The following ABCA12 variants were observed in gnomAD, a reference collection of about 807,000 sequenced individuals.
ABCA12 encodes the protein ATP binding cassette subfamily A member 12, also known as glucosylceramide transporter ABCA12.
In ABCA12, 156 loss-of-function variants were observed where a neutral mutation model predicts 293.5. The observed-to-expected ratio is 0.53, with a 90% CI of 0.47 to 0.61. The LOEUF is 0.61. Among genes scored for constraint, ABCA12 ranks in the 20% least tolerant of loss-of-function variants. The pLI is 0.00. For synonymous variants in ABCA12, 1,063 were observed against 1,108.0 expected, an observed-to-expected ratio of 0.96 and a Z score of 0.81; for missense variants, 2,797 against 3,090.2, an observed-to-expected ratio of 0.91 and a Z score of 2.25.
intron 2 of ABCA12, among the ~76,000 whole-genome samples, chr2:215,105,835 G>C (rs563367627): frequency 6.6e-6 from 1 of 152,248 alleles, no homozygotes; most frequent in South Asian, 2.1e-4. Flanking sequence ...AGACTAACTA[G>C]TGTTGCTGGT....
intron 2 of ABCA12, among the ~76,000 whole-genome samples, chr2:215,096,537 GA>G (rs1702253026): frequency 6.6e-6 from 1 of 152,206 alleles, no homozygotes; most frequent in African/African-American, 2.4e-5. Context: ...TCAAAAGCCA[GA>G]AGAGTGTTTT....
At position 215,110,236 on chromosome 2, in the gene ABCA12, C is replaced by T. The variant is rs116223620; in HGVS notation, c.163+1361G>A. Among the ~76,000 whole-genome samples, 383 of 152,256 alleles carry T rather than the reference C, an allele frequency of 2.5e-3. 1 individual carries two copies. Among genetic ancestry groups the T allele is most frequent in the African/African-American group, 8.8e-3 (365 of 41,542 alleles). The stretch of plus-strand genomic sequence containing the variant: ...TAGAAGTAAGGCACTGTTGGCTGGG[C>T]GCGGTGGCTCACGCCTGTAATCCCA... On this transcript the variant is annotated intron_variant, in intron 2 of 52. Transcript: ENST00000272895.
At chr2:214,940,288 C>G (rs1177945352) in intron 50 of ABCA12, among the ~76,000 whole-genome samples, 1 of 152,172 alleles carries the variant, frequency 6.6e-6, no homozygotes, top group Non-Finnish European at 1.5e-5. Flanking sequence ...ATATGTTGAA[C>G]AAGCCTTGCA....
chr2:215,131,884 C>A (rs767409233), intron 1 of ABCA12, among the ~76,000 whole-genome samples: 1 of 151,786 alleles, frequency 6.6e-6, no homozygotes, highest in Non-Finnish European at 1.5e-5. Context: ...ATGCTATAAA[C>A]TTTTCTCTTA....
At chr2:214,991,958 C>A (rs1699920527) in intron 23 of ABCA12, among the ~76,000 whole-genome samples, 1 of 152,046 alleles carries the variant, frequency 6.6e-6, no homozygotes, top group Admixed American at 6.6e-5. Flanking sequence ...GTGCAGCGAA[C>A]CACCATGGCA....
intron 41 of ABCA12, 33 bp downstream of exon 41, chr2:214,958,244 T>C: frequency 6.2e-7 from 1 of 1,613,324 alleles, no homozygotes; most frequent in Non-Finnish European, 8.5e-7. Context: ...ATTGATCTTT[T>C]ATTCCCTGCA....
At chr2:214,984,027 C>A (rs958956561) in intron 28 of ABCA12, among the ~76,000 whole-genome samples, 162 bp from the exon 29 acceptor site, 1 of 146,800 alleles carries the variant, frequency 6.8e-6, no homozygotes, top group African/African-American at 2.5e-5. Flanking sequence ...AGAAATATTA[C>A]TTTTAAGTTT....
intron 44 of ABCA12, among the ~76,000 whole-genome samples, chr2:214,951,923 T>C (rs1490271393): frequency 6.6e-6 from 1 of 152,118 alleles, no homozygotes; most frequent in East Asian, 1.9e-4. Context: ...TAATCATCAA[T>C]AATATGAATA....
intron 23 of ABCA12, among the ~76,000 whole-genome samples, chr2:214,992,462 G>GAAAAAAAAAAAAAAA (rs35911401): frequency 2.6e-4 from 20 of 77,346 alleles, no homozygotes; most frequent in Non-Finnish European, 3.2e-4. Flanking sequence ...AAAAAAAAAT[G>GAAAAAAAAAAAAAAA]AAAAAAAAAA....
intron 2 of ABCA12, among the ~76,000 whole-genome samples, chr2:215,087,510 A>ATGTGTGTGTG (rs1363040308): frequency 4.1e-4 from 28 of 68,856 alleles, no homozygotes; most frequent in African/African-American, 1.6e-3. Flanking sequence ...GTGTGTGTGC[A>ATGTGTGTGTG]TGTGTGTGTG....
rs774152349 is a variant in ABCA12 at position 215,011,467 on chromosome 2, A to G, written c.2304T>C (p.Ala768=). The G allele has an allele frequency of 5.0e-6, 8 of 1,613,746 alleles. No homozygotes were observed. The highest frequency in any genetic ancestry group is 1.3e-5 in the African/African-American group (1 of 74,922). ...LTYKLTKEQI[A]SKYGIPINST... ...AATTTATGGGAATTCCATATTTTGAAGCAATTTGCTCTTTAGTTAATTTAT... is the reference window on the plus strand; with the variant it reads ...AATTTATGGGAATTCCATATTTTGAGGCAATTTGCTCTTTAGTTAATTTAT... Residue 768 remains alanine (A), a synonymous_variant, in exon 17 of 53, where the codon GCT becomes GCC. Transcript: ENST00000272895.
chr2:215,016,492 A>C (rs1700503665), intron 14 of ABCA12, among the ~76,000 whole-genome samples: 1 of 142,848 alleles, frequency 7.0e-6, no homozygotes, highest in Non-Finnish European at 1.5e-5. Flanking sequence ...CTGAGGCAGG[A>C]GAATGGTGAG....
intron 15 of ABCA12, among the ~76,000 whole-genome samples, chr2:215,014,800 C>T (rs1051776240): frequency 1.3e-5 from 2 of 152,160 alleles, no homozygotes; most frequent in Admixed American, 1.3e-4. Context: ...GTTGTGTTTA[C>T]TACAGAGAAG....
In ABCA12 at chr2:214,955,189, T is replaced by C; in HGVS notation, c.6393+13A>G. 6.2e-7 allele frequency: 1 copy of C among 1,613,716 alleles called. No homozygotes were observed. The highest frequency in any genetic ancestry group is 1.1e-5 in the South Asian group (1 of 91,064). ...GAAGCTTTTGATAAATTCACTGAAA[T>C]AAGGGACCTTACCGGATCATTAGGC... On this transcript the variant is annotated intron_variant, in intron 43 of 52. Transcript: ENST00000272895.
intron 8 of ABCA12, chr2:215,035,716 AC>A (rs1700978293): frequency 6.6e-6 from 1 of 151,930 alleles, no homozygotes; most frequent in African/African-American, 2.4e-5. Flanking sequence ...ACAGTCATAG[AC>A]ATAAGACATG....
At chr2:214,996,899 C>A (rs139789513) in intron 23 of ABCA12, among the ~76,000 whole-genome samples, 1 of 152,082 alleles carries the variant, frequency 6.6e-6, no homozygotes, top group Non-Finnish European at 1.5e-5. Flanking sequence ...AATTATTGTG[C>A]CCCAGTTTTG....
intron 3 of ABCA12, among the ~76,000 whole-genome samples, chr2:215,057,136 G>T (rs1425526100): frequency 6.6e-6 from 1 of 152,026 alleles, no homozygotes; most frequent in Non-Finnish European, 1.5e-5. Flanking sequence ...TATTGTTGGG[G>T]TATGGCAGAA....
At chr2:215,135,819 G>A (rs2105923890) in intron 1 of ABCA12, among the ~76,000 whole-genome samples, 1 of 151,708 alleles carries the variant, frequency 6.6e-6, no homozygotes, top group Non-Finnish European at 1.5e-5. Flanking sequence ...TCCTTTTTAA[G>A]TGTAATGCCA....
intron 2 of ABCA12, among the ~76,000 whole-genome samples, chr2:215,082,043 C>CTTTTTT (rs549072917): frequency 2.7e-4 from 30 of 113,122 alleles, no homozygotes; most frequent in Non-Finnish European, 3.7e-4. Context: ...ATTGTTAATT[C>CTTTTTT]TTTTTTTTTT....
Sources: allele counts gnomAD v4.1 joint callset (sites outside exome capture counted in the v4.1 genomes callset), GRCh38; gene constraint gnomAD v4.1.1; transcripts MANE v1.5; gene names NCBI Gene and HGNC (gene_info 2026-07-23, HGNC 2026-07-21).